Variants in BCKDHB observed in about 807,000 individuals in gnomAD.
BCKDHB encodes the protein branched chain keto acid dehydrogenase E1 subunit beta, also known as 2-oxoisovalerate dehydrogenase subunit beta, mitochondrial.
In BCKDHB, 41 loss-of-function variants were observed where a neutral mutation model predicts 48.5. That is an observed-to-expected ratio of 0.85 (90% CI 0.66 to 1.10). The LOEUF (loss-of-function observed/expected upper bound fraction) is 1.10. Among genes scored for constraint, BCKDHB ranks in the 50% least tolerant of loss-of-function variants. The pLI is 0.00. For missense variants in BCKDHB, 496 were observed against 494.2 expected (o/e 1.00, Z -0.03); for synonymous variants, 201 against 174.8 (o/e 1.15, Z -1.18).
At chr6:80,445,281 T>C in the BCKDHB span, among the ~76,000 whole-genome samples, 2 of 152,250 alleles carry the variant, frequency 1.3e-5, no homozygotes, top group Non-Finnish European at 2.9e-5. Flanking sequence ...CTCATTTTTT[T>C]ATCCTCTATG....
chr6:80,252,216 T>C (rs557093529), intron 8 of BCKDHB, among the ~76,000 whole-genome samples: 1 of 152,322 alleles, frequency 6.6e-6, no homozygotes, highest in East Asian at 1.9e-4. Context: ...GCAAAGTCTA[T>C]GCTGAAGTTG....
At chr6:80,151,613 A>C (rs1376569254) in intron 3 of BCKDHB, among the ~76,000 whole-genome samples, 2 of 152,134 alleles carry the variant, frequency 1.3e-5, no homozygotes, top group Admixed American at 6.6e-5. Flanking sequence ...CTGATTCTTC[A>C]TTCTCTTGAG....
At chr6:80,298,834 G>A (rs1373246060) in intron 9 of BCKDHB, among the ~76,000 whole-genome samples, 1 of 152,198 alleles carries the variant, frequency 6.6e-6, no homozygotes, top group African/African-American at 2.4e-5. Context: ...CGCTGAATCA[G>A]AAGTTCAGTC....
intron 8 of BCKDHB, among the ~76,000 whole-genome samples, chr6:80,259,354 G>T (rs1391670857): frequency 6.6e-6 from 1 of 152,156 alleles, no homozygotes; most frequent in African/African-American, 2.4e-5. Flanking sequence ...GCAGTCCCAG[G>T]GTAAAGTGAT....
chr6:80,432,762 T>C, the BCKDHB span, among the ~76,000 whole-genome samples: 10 of 152,340 alleles, frequency 6.6e-5, no homozygotes, highest in Non-Finnish European at 1.2e-4. Flanking sequence ...AGAGGCATTC[T>C]GGTTTTTGGA....
intron 8 of BCKDHB, among the ~76,000 whole-genome samples, chr6:80,227,798 T>G (rs1346609883): frequency 6.6e-6 from 1 of 152,214 alleles, no homozygotes; most frequent in Admixed American, 6.5e-5. Context: ...AAAATTATAA[T>G]AATCTACTAA....
the BCKDHB span, among the ~76,000 whole-genome samples, chr6:80,463,508 T>G: frequency 3.3e-5 from 5 of 152,070 alleles, no homozygotes; most frequent in Non-Finnish European, 7.4e-5. Context: ...AGCAAAGAAG[T>G]GAGGAGTTTA....
the BCKDHB span, among the ~76,000 whole-genome samples, chr6:80,370,964 C>G: frequency 5.3e-5 from 8 of 152,008 alleles, no homozygotes; most frequent in Non-Finnish European, 1.0e-4. Context: ...GCTCAAATAT[C>G]TTTTTCATAT....
chr6:80,273,041 GT>G lies in BCKDHB; in HGVS notation c.952-93del. The G allele has an allele frequency of 6.7e-6, 6 of 897,482 alleles. No homozygotes were observed. The South Asian group carries it at 7.2e-5, about 11-fold the overall frequency. 55.6% of individuals were successfully genotyped at this position (897,482 alleles called of 1,614,324 possible). ...CTGATTTTTACACTATTTATTGAAT[GT>G]ATATAATTTACTTTTATTACTGATT... On this transcript the variant is annotated intron_variant, in intron 8 of 9. Transcript: ENST00000320393.
chr6:80,322,904 T>C lies in BCKDHB; in HGVS notation c.1039-20760T>C, dbSNP rs1019223113. Among the ~76,000 whole-genome samples the C allele has an allele frequency of 1.7e-4, 26 of 149,774 alleles. 1 individual carries two copies. The highest frequency in any genetic ancestry group is 3.7e-4 in the African/African-American group (15 of 40,846). ...CTTTTTTTTTCTTTTTTCTTTTTTT[T>C]TTTTTTTTTGCATACAGCAGAGAAT... On this transcript the variant is annotated intron_variant, in intron 9 of 9. Coordinates refer to ENST00000320393, the MANE Select transcript of BCKDHB (RefSeq NM_183050.4).
intron 1 of BCKDHB, among the ~76,000 whole-genome samples, chr6:80,116,301 T>C (rs188939329): frequency 1.3e-5 from 2 of 152,360 alleles, no homozygotes; most frequent in African/African-American, 4.8e-5. Context: ...GTGACATTGG[T>C]AGGTCTTTTT....
chr6:80,400,413 T>TA, the BCKDHB span, among the ~76,000 whole-genome samples: 6 of 151,898 alleles, frequency 4.0e-5, no homozygotes, highest in African/African-American at 1.4e-4. Context: ...GGGCAACAGA[T>TA]ATGAACAGAC....
the BCKDHB span, among the ~76,000 whole-genome samples, chr6:80,410,991 G>C: frequency 1.3e-5 from 2 of 152,190 alleles, no homozygotes; most frequent in Non-Finnish European, 2.9e-5. Context: ...TCCATTGCTG[G>C]TGAGGAGTTG....
At chr6:80,439,886 A>G in the BCKDHB span, among the ~76,000 whole-genome samples, 1 of 152,164 alleles carries the variant, frequency 6.6e-6, no homozygotes, top group Non-Finnish European at 1.5e-5. Flanking sequence ...ATTTAACTAA[A>G]GGCATACAAC....
chr6:80,341,528 A>G (rs1984242), intron 9 of BCKDHB, among the ~76,000 whole-genome samples: 62,552 of 152,108 alleles, frequency 0.41, 15,431 homozygotes, highest in Admixed American at 0.59. Context: ...GTATTCCTGG[A>G]AAGAGTGATG....
intron 6 of BCKDHB, among the ~76,000 whole-genome samples, chr6:80,187,447 TA>T (rs1479954984): frequency 1.3e-5 from 2 of 152,058 alleles, no homozygotes; most frequent in African/African-American, 4.8e-5. Flanking sequence ...GTAGAGAGGG[TA>T]GGGGTAAGGG....
chr6:80,274,894 A>G (rs1777906193), intron 9 of BCKDHB, among the ~76,000 whole-genome samples: 1 of 152,014 alleles, frequency 6.6e-6, no homozygotes, highest in African/African-American at 2.4e-5. Flanking sequence ...CTCAGGCCCC[A>G]AGAATACATT....
chr6:80,139,128 T>A (rs987019982), intron 3 of BCKDHB, among the ~76,000 whole-genome samples: 3 of 152,224 alleles, frequency 2.0e-5, no homozygotes, highest in Admixed American at 1.3e-4. Flanking sequence ...TTCATGTCCT[T>A]CGCCCACTTT....
intron 8 of BCKDHB, among the ~76,000 whole-genome samples, chr6:80,246,817 T>A (rs1776637614): frequency 6.6e-6 from 1 of 152,046 alleles, no homozygotes; most frequent in South Asian, 2.1e-4. Flanking sequence ...AGCCCCATGC[T>A]GACACACACT....
Sources: allele counts gnomAD v4.1 joint callset (sites outside exome capture counted in the v4.1 genomes callset), GRCh38; gene constraint gnomAD v4.1.1; transcripts MANE v1.5; gene names NCBI Gene and HGNC (gene_info 2026-07-23, HGNC 2026-07-21).